MYO18B: variants seen among roughly 807,000 people sequenced by gnomAD.
MYO18B encodes unconventional myosin-XVIIIb.
In MYO18B, 204 loss-of-function variants were observed where a neutral mutation model predicts 273.0. The ratio of observed to expected loss-of-function variants is 0.75; its 90% CI spans 0.67 to 0.84. The LOEUF is 0.84. MYO18B is among the 40% of genes least tolerant of loss of function. The probability of loss-of-function intolerance (pLI) is 0.00; values close to 1 mark genes in which losing one functional copy is unlikely to be tolerated. For synonymous variants in MYO18B, 1,330 were observed against 1,305.7 expected, an observed-to-expected ratio of 1.02 and a Z score of -0.40; for missense variants, 3,212 against 3,287.6, an observed-to-expected ratio of 0.98 and a Z score of 0.56.
At position 25,770,919 on chromosome 22, in the gene MYO18B, A is replaced by C; in HGVS notation, c.1627A>C (p.Arg543=). Residue 543 remains arginine (R), a synonymous_variant, in exon 6 of 44, where the codon AGG becomes CGG. Coordinates refer to ENST00000335473, the MANE Select transcript of MYO18B (RefSeq NM_032608.7). The part of the protein sequence containing the change: ...DEGTADLPAG[R]VRLWIDADKT... ...GGGAACAGCAGACCTGCCAGCAGGA[A>C]GGGTGAGACTTTGGATTGATGCTGA... 6.4e-7 allele frequency: 1 copy of C among 1,552,222 alleles called. No homozygotes were observed. The highest frequency in any genetic ancestry group is 8.7e-7 in the Non-Finnish European group (1 of 1,147,208).
chr22:25,909,605 T>C (rs1375800031), intron 32 of MYO18B, among the ~76,000 whole-genome samples: 1 of 152,152 alleles, frequency 6.6e-6, no homozygotes, highest in Non-Finnish European at 1.5e-5. Flanking sequence ...TGCCTCAAAG[T>C]ATGGTGTGTG....
chr22:25,989,151 C>T (rs1048058893), intron 39 of MYO18B, among the ~76,000 whole-genome samples: 2 of 152,224 alleles, frequency 1.3e-5, no homozygotes, highest in African/African-American at 4.8e-5. Context: ...CTAAGCAAAA[C>T]GAGGAGGGGA....
At chr22:25,978,432 T>A (rs956052362) in intron 39 of MYO18B, among the ~76,000 whole-genome samples, 4 of 152,102 alleles carry the variant, frequency 2.6e-5, no homozygotes, top group African/African-American at 9.7e-5. Flanking sequence ...GAATTACTGA[T>A]GTGGGGTGCA....
Position 25,937,815 on chromosome 22 carries a change from C to T in MYO18B, c.5518-8322C>T, listed in dbSNP as rs371423430. On this transcript the variant is annotated intron_variant, in intron 34 of 43. Coordinates refer to ENST00000335473, the MANE Select transcript of MYO18B (RefSeq NM_032608.7). Reference sequence around the variant, plus strand: ...GGTCAGGTTGGTCTTGAACTCCTGACCTCAGGTGATCTGCATGCCTCGGCC... The same window carrying T: ...GGTCAGGTTGGTCTTGAACTCCTGATCTCAGGTGATCTGCATGCCTCGGCC... 2.4e-4 allele frequency among the ~76,000 whole-genome samples: 37 copies of T among 152,222 alleles called. 1 individual carries two copies. The highest frequency in any genetic ancestry group is 4.7e-4 in the Non-Finnish European group (32 of 68,012).
chr22:26,041,839 G>A, the MYO18B span, among the ~76,000 whole-genome samples: 1 of 152,192 alleles, frequency 6.6e-6, no homozygotes. Context: ...ATGAGGGCCT[G>A]TTCTCTGTGT....
intron 11 of MYO18B, among the ~76,000 whole-genome samples, chr22:25,791,858 T>A (rs2087675923): frequency 6.6e-6 from 1 of 152,238 alleles, no homozygotes. Context: ...GGAATTATGA[T>A]CATATCTGTT....
chr22:25,794,885 T>C (rs2087842238), intron 11 of MYO18B, among the ~76,000 whole-genome samples: 1 of 152,210 alleles, frequency 6.6e-6, no homozygotes, highest in Admixed American at 6.5e-5. Flanking sequence ...GAAAGGCTCC[T>C]TTGAGCCCCC....
intron 27 of MYO18B, 28 bp from the exon 28 acceptor site, chr22:25,895,128 T>C: frequency 6.2e-7 from 1 of 1,608,814 alleles, no homozygotes; most frequent in Non-Finnish European, 8.5e-7. Context: ...TGGCCTCTTA[T>C]CCTGGTCTCC....
chr22:25,886,460 G>A (rs2091503566), intron 25 of MYO18B, among the ~76,000 whole-genome samples: 1 of 152,196 alleles, frequency 6.6e-6, no homozygotes, highest in African/African-American at 2.4e-5. Flanking sequence ...CAGTTGGGCT[G>A]GCCCTGTATC....
At chr22:25,966,974 T>C (rs2092986245) in intron 39 of MYO18B, among the ~76,000 whole-genome samples, 1 of 152,222 alleles carries the variant, frequency 6.6e-6, no homozygotes, top group Non-Finnish European at 1.5e-5. Context: ...TACCTAGGAA[T>C]AATTGGGTCT....
rs2091131975 is a variant in MYO18B at position 25,874,304 on chromosome 22, G to A, written c.3970G>A (p.Val1324Met). The change falls in exon 23 of 44, where the codon GTG becomes ATG. Residue 1324 changes from valine (V) to methionine (M), a missense_variant. Transcript: ENST00000335473. ...GHSQVFLKAG[V>M]ISRLEKQREK... Reference sequence around the variant, plus strand: ...TCCCCAGGTTTTTCTCAAGGCAGGTGTGATCTCCAGGCTTGAGAAGCAGCG... The same window carrying A: ...TCCCCAGGTTTTTCTCAAGGCAGGTATGATCTCCAGGCTTGAGAAGCAGCG... 3.1e-6 allele frequency: 5 copies of A among 1,613,980 alleles called. No homozygotes were observed. Among genetic ancestry groups the A allele is most frequent in the African/African-American group, 1.3e-5 (1 of 75,040 alleles).
chr22:25,802,239 A>G (rs2088232895), intron 12 of MYO18B, among the ~76,000 whole-genome samples: 1 of 152,192 alleles, frequency 6.6e-6, no homozygotes, highest in African/African-American at 2.4e-5. Flanking sequence ...ATTATAAAGG[A>G]TACAACTCAG....
At chr22:25,932,411 C>CTT (rs778189259) in intron 34 of MYO18B, among the ~76,000 whole-genome samples, 8,897 of 81,162 alleles carry the variant, frequency 0.11, 1,011 homozygotes, top group African/African-American at 0.29. Context: ...TCTTTTCTTT[C>CTT]TTTTTTTTTT....
At chr22:25,967,277 A>G (rs954143106) in intron 39 of MYO18B, among the ~76,000 whole-genome samples, 1 of 152,176 alleles carries the variant, frequency 6.6e-6, no homozygotes, top group Admixed American at 6.5e-5. Flanking sequence ...AAATAAATCC[A>G]ATTTATATTG....
At chr22:26,016,226 GTTC>G (rs1289447602) in intron 42 of MYO18B, among the ~76,000 whole-genome samples, 1 of 152,158 alleles carries the variant, frequency 6.6e-6, no homozygotes, top group Non-Finnish European at 1.5e-5. Flanking sequence ...CTAGAATTGT[GTTC>G]TTCAAAACAT....
At chr22:26,042,317 G>T in the MYO18B span, among the ~76,000 whole-genome samples, 1 of 152,218 alleles carries the variant, frequency 6.6e-6, no homozygotes, top group Non-Finnish European at 1.5e-5. Flanking sequence ...CTGTGAAAGT[G>T]CTCAGCACAG....
At chr22:25,789,141 C>T (rs2087541583) in intron 11 of MYO18B, among the ~76,000 whole-genome samples, 1 of 147,248 alleles carries the variant, frequency 6.8e-6, no homozygotes, top group African/African-American at 2.5e-5. Flanking sequence ...CCTCCTCCTC[C>T]TCCTCCATCA....
intron 35 of MYO18B, 82 bp downstream of exon 35, chr22:25,946,332 C>A: frequency 1.1e-6 from 1 of 926,572 alleles, no homozygotes; most frequent in Non-Finnish European, 1.6e-6. Context: ...GTGCGCTCAG[C>A]ACTATAGGAA....
chr22:25,928,489 C>T (rs1182213778), intron 34 of MYO18B, among the ~76,000 whole-genome samples: 2 of 150,688 alleles, frequency 1.3e-5, no homozygotes, highest in African/African-American at 2.5e-5. Flanking sequence ...CCAGCAGCAA[C>T]AGTTTCCCTT....
Sources: gnomAD v4.1 joint callset for allele counts (sites outside exome capture counted in the v4.1 genomes callset) on GRCh38, gnomAD v4.1.1 for gene constraint, MANE v1.5 for transcripts, NCBI Gene and HGNC (gene_info 2026-07-23, HGNC 2026-07-21) for gene names.